The following SOX5 variants were observed in gnomAD, a reference collection of about 807,000 sequenced individuals.
SOX5 encodes SRY-box transcription factor 5.
A neutral mutation model predicts 92.0 loss-of-function variants in SOX5; 9 were observed. That is an observed-to-expected ratio of 0.10 (90% confidence interval 0.06 to 0.17). The LOEUF (loss-of-function observed/expected upper bound fraction) is 0.17. Among genes scored for constraint, SOX5 ranks in the 10% least tolerant of loss-of-function variants. SOX5 has a pLI of 1.00. For missense variants in SOX5, 642 were observed against 944.5 expected (o/e 0.68, Z 4.20); for synonymous variants, 344 against 336.3 (o/e 1.02, Z -0.25).
chr12:23,558,029 A>G (rs890378729), intron 11 of SOX5, among the ~76,000 whole-genome samples: 7 of 151,770 alleles, frequency 4.6e-5, no homozygotes, highest in Admixed American at 4.6e-4. Context: ...CAAAAGATAG[A>G]TAGATGGTAA....
At chr12:24,285,680 A>G (rs1476032437) in intron 2 of SOX5, among the ~76,000 whole-genome samples, 1 of 152,200 alleles carries the variant, frequency 6.6e-6, no homozygotes, top group Non-Finnish European at 1.5e-5. Flanking sequence ...TAGACAAGAC[A>G]TGTTTAACAT....
At chr12:24,249,541 A>G (rs946736182) in intron 3 of SOX5, among the ~76,000 whole-genome samples, 2 of 152,216 alleles carry the variant, frequency 1.3e-5, no homozygotes, top group Non-Finnish European at 2.9e-5. Context: ...TCATCATTAC[A>G]TATGGCCTAT....
chr12:24,460,285 T>C (rs146179066), intron 1 of SOX5, among the ~76,000 whole-genome samples: 70 of 152,328 alleles, frequency 4.6e-4, no homozygotes, highest in African/African-American at 1.6e-3. Context: ...GTCATCTCCA[T>C]GGCAACTAAA....
chr12:24,447,992 A>C (rs960399297), intron 1 of SOX5, among the ~76,000 whole-genome samples: 2 of 152,072 alleles, frequency 1.3e-5, no homozygotes, highest in Admixed American at 1.3e-4. Context: ...ACCAGCCTGA[A>C]CAACATGGTG....
At chr12:24,244,048 T>TAAAAAAA in intron 3 of SOX5, among the ~76,000 whole-genome samples, 1 of 131,602 alleles carries the variant, frequency 7.6e-6, no homozygotes, top group Non-Finnish European at 1.7e-5. Flanking sequence ...GGCATATTGA[T>TAAAAAAA]AAAAAAAAAA....
At chr12:24,170,237 A>AAG (rs372059014) in intron 4 of SOX5, among the ~76,000 whole-genome samples, 16,734 of 152,244 alleles carry the variant, frequency 0.11, 1,006 homozygotes, top group Admixed American at 0.15. Flanking sequence ...AATAGCAGGC[A>AAG]GCGCTAGTGC....
intron 1 of SOX5, among the ~76,000 whole-genome samples, chr12:24,532,411 T>C (rs1263276538): frequency 6.6e-6 from 1 of 152,164 alleles, no homozygotes; most frequent in East Asian, 1.9e-4. Flanking sequence ...AATGCACTGA[T>C]ATGAACAAAA....
In SOX5 at chr12:23,839,216, T is replaced by C. The variant is rs547578899; in HGVS notation, c.481+6767A>G. 5.9e-4 allele frequency among the ~76,000 whole-genome samples: 89 copies of C among 152,126 alleles called. No individual in the cohort carries two copies. The South Asian group carries it at 0.012, about 21-fold the overall frequency. On this transcript the variant is annotated intron_variant, in intron 3 of 14. Coordinates refer to ENST00000451604, the MANE Select transcript of SOX5 (RefSeq NM_006940.6). ...GGAGGTATCTATCTCCTGTGCTCTT[T>C]CCTGTTGGGACTTACTCATGGGGAT...
At chr12:23,884,645 A>T (rs1185202321) in intron 2 of SOX5, among the ~76,000 whole-genome samples, 5 of 152,218 alleles carry the variant, frequency 3.3e-5, no homozygotes, top group Non-Finnish European at 7.3e-5. Flanking sequence ...TTTAACATTT[A>T]TATGAGTGCA....
intron 3 of SOX5, among the ~76,000 whole-genome samples, chr12:23,759,194 G>A (rs2094498809): frequency 6.6e-6 from 1 of 152,020 alleles, no homozygotes; most frequent in Non-Finnish European, 1.5e-5. Context: ...AGCAGCAACT[G>A]TGGAATTAAA....
chr12:24,400,284 C>A (rs1314376105), intron 1 of SOX5, among the ~76,000 whole-genome samples: 1 of 152,216 alleles, frequency 6.6e-6, no homozygotes, highest in Non-Finnish European at 1.5e-5. Flanking sequence ...TTTTTCATAA[C>A]CTTCCATTTT....
chr12:24,149,807 A>G (rs1405043353), intron 4 of SOX5, among the ~76,000 whole-genome samples: 1 of 152,216 alleles, frequency 6.6e-6, no homozygotes, highest in Non-Finnish European at 1.5e-5. Context: ...ACAAACAAAT[A>G]CATAAAATGG....
intron 1 of SOX5, among the ~76,000 whole-genome samples, chr12:24,488,424 C>T (rs1046501597): frequency 1.3e-5 from 2 of 151,940 alleles, no homozygotes; most frequent in African/African-American, 4.8e-5. Context: ...CCTGTCTCTC[C>T]AAAAAAATAA....
chr12:24,494,681 A>G (rs1229908943), intron 1 of SOX5, among the ~76,000 whole-genome samples: 1 of 152,184 alleles, frequency 6.6e-6, no homozygotes, highest in East Asian at 1.9e-4. Flanking sequence ...GTAAGGCATA[A>G]CATTCTAAGT....
chr12:24,545,141 T>C (rs1257140379), intron 1 of SOX5, among the ~76,000 whole-genome samples: 1 of 152,156 alleles, frequency 6.6e-6, no homozygotes, highest in African/African-American at 2.4e-5. Flanking sequence ...TGAGCAACAC[T>C]ATACCCCGTA....
intron 2 of SOX5, among the ~76,000 whole-genome samples, chr12:24,286,002 T>C (rs1945821888): frequency 6.6e-6 from 1 of 152,178 alleles, no homozygotes; most frequent in African/African-American, 2.4e-5. Context: ...TTTTAAAATA[T>C]GAAAACATCT....
chr12:23,605,732 A>C (rs1452688065), intron 8 of SOX5, among the ~76,000 whole-genome samples: 2 of 151,898 alleles, frequency 1.3e-5, no homozygotes, highest in Non-Finnish European at 2.9e-5. Context: ...CTCTAAATAA[A>C]ATAATGAAAA....
At chr12:24,257,949 T>G (rs1474449649) in intron 3 of SOX5, among the ~76,000 whole-genome samples, 2 of 151,932 alleles carry the variant, frequency 1.3e-5, no homozygotes, top group Admixed American at 6.6e-5. Context: ...CCGAGGCAAG[T>G]GGATCACGAG....
chr12:24,018,126 T>C (rs1257735539), intron 4 of SOX5, among the ~76,000 whole-genome samples: 1 of 152,086 alleles, frequency 6.6e-6, no homozygotes, highest in East Asian at 1.9e-4. Flanking sequence ...TATCTGCCCC[T>C]ACATCACCGG....
Sources: gnomAD v4.1 joint callset for allele counts (sites outside exome capture counted in the v4.1 genomes callset) on GRCh38, gnomAD v4.1.1 for gene constraint, MANE v1.5 for transcripts, NCBI Gene and HGNC (gene_info 2026-07-23, HGNC 2026-07-21) for gene names.